Variants in POC1A observed in about 807,000 individuals in gnomAD.
POC1A encodes POC1 centriolar protein A.
POC1A carries 34 observed loss-of-function variants against 47.8 expected under a neutral mutation model. That is an observed-to-expected ratio of 0.71 (90% CI 0.54 to 0.95). The LOEUF (loss-of-function observed/expected upper bound fraction) is 0.95. Among genes scored for constraint, POC1A ranks in the 40% least tolerant of loss-of-function variants. POC1A has a pLI of 0.00. For synonymous variants in POC1A, 177 were observed against 207.6 expected (o/e 0.85, Z 1.27); for missense variants, 466 against 528.3 (o/e 0.88, Z 1.16).
intron 7 of POC1A, among the ~76,000 whole-genome samples, chr3:52,129,456 G>A (rs1340762690): frequency 6.6e-6 from 1 of 152,100 alleles, no homozygotes; most frequent in Non-Finnish European, 1.5e-5. Flanking sequence ...CTTGGGGCAG[G>A]GATATTGCCA....
At chr3:52,094,060 A>AG (rs1233306696) in intron 10 of POC1A, among the ~76,000 whole-genome samples, 1 of 152,180 alleles carries the variant, frequency 6.6e-6, no homozygotes, top group African/African-American at 2.4e-5. Flanking sequence ...TCCCTCTCAA[A>AG]GGCCACTCTG....
chr3:52,128,343 C>T (rs1704086321), intron 7 of POC1A, among the ~76,000 whole-genome samples: 1 of 152,226 alleles, frequency 6.6e-6, no homozygotes, highest in Non-Finnish European at 1.5e-5. Context: ...GGGTCAGGAC[C>T]AGAGCGCAGG....
intron 7 of POC1A, among the ~76,000 whole-genome samples, chr3:52,130,874 C>T (rs1210616254): frequency 4.6e-5 from 7 of 152,166 alleles, no homozygotes; most frequent in African/African-American, 1.4e-4. Context: ...CCCAGCATGG[C>T]GCAAGCACCC....
intron 10 of POC1A, among the ~76,000 whole-genome samples, chr3:52,093,941 CTG>C (rs1702723868): frequency 6.6e-6 from 1 of 152,328 alleles, no homozygotes; most frequent in East Asian, 1.9e-4. Flanking sequence ...GCTGGAGACT[CTG>C]TGACTCACTC....
chr3:52,104,888 TC>T (rs1424886951), intron 9 of POC1A, among the ~76,000 whole-genome samples: 1 of 152,212 alleles, frequency 6.6e-6, no homozygotes, highest in Non-Finnish European at 1.5e-5. Flanking sequence ...AGGAGCAAGG[TC>T]TGCACACACC....
At chr3:52,139,181 T>C (rs1266426934) in intron 6 of POC1A, among the ~76,000 whole-genome samples, 3 of 152,162 alleles carry the variant, frequency 2.0e-5, no homozygotes, top group African/African-American at 2.4e-5. Flanking sequence ...ATCTGTACCA[T>C]AGCACCTATG....
intron 9 of POC1A, among the ~76,000 whole-genome samples, chr3:52,112,506 G>A (rs1320781195): frequency 6.6e-6 from 1 of 152,186 alleles, no homozygotes; most frequent in African/African-American, 2.4e-5. Context: ...GCCAGGTGTG[G>A]TGGTGCATGC....
chr3:52,121,323 A>T (rs575793857), intron 9 of POC1A, among the ~76,000 whole-genome samples: 1 of 152,342 alleles, frequency 6.6e-6, no homozygotes, highest in Non-Finnish European at 1.5e-5. Flanking sequence ...CAAGCAGTGC[A>T]TCATGCAGCC....
chr3:52,113,702 A>AAAAAACAAAAACAAACAAAAAAACAAAAC (rs1703460320), intron 9 of POC1A, among the ~76,000 whole-genome samples: 1 of 152,244 alleles, frequency 6.6e-6, no homozygotes, highest in Non-Finnish European at 1.5e-5. Flanking sequence ...ACTCCGTCTC[A>AAAAAACAAAAACAAACAAAAAAACAAAAC]AAAAACAAAA....
At chr3:52,148,893 A>G (rs1698458544) in intron 4 of POC1A, among the ~76,000 whole-genome samples, 7 of 152,222 alleles carry the variant, frequency 4.6e-5, no homozygotes, top group Admixed American at 4.6e-4. Flanking sequence ...GGTAGTACTG[A>G]AAGTACCTAA....
In POC1A at chr3:52,149,151, T is replaced by C. The variant is rs1453027007; in HGVS notation, c.455+59A>G. 6.6e-6 allele frequency: 10 copies of C among 1,525,680 alleles called. No individual in the cohort carries two copies. The South Asian group carries it at 1.1e-4, about 17-fold the overall frequency. The allele number at this position is 1,525,680 out of a possible 1,614,324, so 94.5% of individuals were successfully genotyped here. A position where few individuals can be genotyped will look rare whatever the true frequency, so the allele number is the denominator to read the frequency against. ...TCATAAGTTGGTACCTAGCAGCCCCTGGGCCAGCCCCCAACCCCCAGGGTT... is the reference window on the plus strand; with the variant it reads ...TCATAAGTTGGTACCTAGCAGCCCCCGGGCCAGCCCCCAACCCCCAGGGTT... On this transcript the variant is annotated intron_variant, in intron 4 of 10. Transcript: ENST00000296484.
intron 9 of POC1A, among the ~76,000 whole-genome samples, chr3:52,109,766 C>T (rs1313998976): frequency 6.6e-6 from 1 of 152,168 alleles, no homozygotes; most frequent in African/African-American, 2.4e-5. Flanking sequence ...AAGATAATCT[C>T]CATGGAAACC....
At chr3:52,150,978 C>T (rs1698535749) in intron 2 of POC1A, 38 bp downstream of exon 2, 1 of 1,608,774 alleles carries the variant, frequency 6.2e-7, no homozygotes, top group Non-Finnish European at 8.5e-7. Context: ...GCCTGTTCAG[C>T]TCATAACCTA....
chr3:52,135,810 A>C (rs1445161135), intron 7 of POC1A, among the ~76,000 whole-genome samples: 1 of 152,148 alleles, frequency 6.6e-6, no homozygotes, highest in East Asian at 1.9e-4. Flanking sequence ...CCCCAAAAGA[A>C]AGCCCTCTCA....
intron 6 of POC1A, among the ~76,000 whole-genome samples, chr3:52,144,206 C>A (rs1354179909): frequency 6.6e-6 from 1 of 152,238 alleles, no homozygotes; most frequent in African/African-American, 2.4e-5. Context: ...CAAGTCCTCC[C>A]TCCTCTGCAC....
chr3:52,089,780 TG>T (rs887105209), intron 10 of POC1A, among the ~76,000 whole-genome samples: 1 of 151,982 alleles, frequency 6.6e-6, no homozygotes, highest in African/African-American at 2.4e-5. Flanking sequence ...ACTATAAAAT[TG>T]GGGGTCTATT....
Position 52,092,252 on chromosome 3 carries a change from G to A in POC1A, c.1125+4317C>T, listed in dbSNP as rs114574521. Among the ~76,000 whole-genome samples, 993 of 152,342 alleles carry A rather than the reference G, an allele frequency of 6.5e-3. 13 individuals carry two copies. The highest frequency in any genetic ancestry group is 0.023 in the African/African-American group (945 of 41,578). On this transcript the variant is annotated intron_variant, in intron 10 of 10. Coordinates refer to ENST00000296484, the MANE Select transcript of POC1A (RefSeq NM_015426.5). ...GCTGGTGACCTAAGGGACTCGGCCT[G>A]CTGGGCTCTCTGATCACAGAGCCCT...
chr3:52,133,243 A>G (rs1704302604), intron 7 of POC1A, among the ~76,000 whole-genome samples: 1 of 152,114 alleles, frequency 6.6e-6, no homozygotes, highest in Non-Finnish European at 1.5e-5. Flanking sequence ...TACTCCCCTC[A>G]GAGGATGCAG....
rs1432263551 is a variant in POC1A, at chr3:52,090,256, T to TG, written c.1125+6312dup. On this transcript the variant is annotated intron_variant, in intron 10 of 10. Transcript: ENST00000296484. The surrounding 1 kb of genome is among the most constrained non-coding windows in gnomAD (Gnocchi z 4.2). ...CATTGCTGTGGCCAGCCTGAAACAC[T>TG]GGGTGCCATAAAAAAACAGTTGGAG... Among the ~76,000 whole-genome samples the TG allele has an allele frequency of 5.9e-5, 9 of 152,188 alleles. No homozygotes were observed. The highest frequency in any genetic ancestry group is 1.9e-4 in the African/African-American group (8 of 41,430).
Sources: gnomAD v4.1 joint callset for allele counts (sites outside exome capture counted in the v4.1 genomes callset) on GRCh38, gnomAD v4.1.1 for gene constraint, Gnocchi (gnomAD v3.1) non-coding constraint, MANE v1.5 for transcripts, NCBI Gene and HGNC (gene_info 2026-07-23, HGNC 2026-07-21) for gene names.